HDAC4: variants seen among roughly 807,000 people sequenced by gnomAD.
The protein encoded by HDAC4 is histone deacetylase 4.
Under a neutral mutation model 135.1 loss-of-function variants are expected in HDAC4, and 16 were observed. The ratio of observed to expected loss-of-function variants is 0.12; its 90% CI spans 0.08 to 0.18. HDAC4 has a LOEUF of 0.18. Ranked by LOEUF, HDAC4 falls within the 10% of genes least tolerant of loss-of-function variation. The probability of loss-of-function intolerance (pLI) is 1.00; values close to 1 mark genes in which losing one functional copy is unlikely to be tolerated. For missense variants in HDAC4, 1,143 were observed against 1,511.8 expected, an observed-to-expected ratio of 0.76 and a Z score of 4.05; for synonymous variants, 685 against 653.4, an observed-to-expected ratio of 1.05 and a Z score of -0.74.
chr2:239,110,005 G>A (rs1292176636), intron 14 of HDAC4, among the ~76,000 whole-genome samples: 3 of 152,218 alleles, frequency 2.0e-5, no homozygotes, highest in South Asian at 2.1e-4. Context: ...AGGAGACCAC[G>A]TGGCTAAAGG....
intron 1 of HDAC4, among the ~76,000 whole-genome samples, chr2:239,388,527 G>C (rs80138554): frequency 1.0e-3 from 153 of 152,342 alleles, no homozygotes; most frequent in Non-Finnish European, 1.3e-3. Flanking sequence ...GACCAGCAGA[G>C]CCTTGGTCCT....
At chr2:239,188,865 T>G (rs903738869) in intron 4 of HDAC4, among the ~76,000 whole-genome samples, 1 of 152,256 alleles carries the variant, frequency 6.6e-6, no homozygotes, top group Non-Finnish European at 1.5e-5. Flanking sequence ...CCTGCGGCCA[T>G]GTGAGTGAGC....
intron 2 of HDAC4, among the ~76,000 whole-genome samples, chr2:239,350,443 T>C (rs141672397): frequency 9.1e-4 from 138 of 152,128 alleles, no homozygotes; most frequent in African/African-American, 3.3e-3. Context: ...TAATATATAA[T>C]TAAAACAACA....
intron 1 of HDAC4, among the ~76,000 whole-genome samples, chr2:239,378,635 C>T (rs1341107291): frequency 6.6e-6 from 1 of 152,124 alleles, no homozygotes; most frequent in African/African-American, 2.4e-5. Context: ...ACCCCGGGAA[C>T]CAAGAACCCC....
At chr2:239,264,470 G>A (rs760351171) in intron 2 of HDAC4, among the ~76,000 whole-genome samples, 21 of 152,210 alleles carry the variant, frequency 1.4e-4, no homozygotes, top group African/African-American at 2.2e-4. Context: ...CAGATGCAGC[G>A]GTTTATCTTG....
At chr2:239,066,320 G>C (rs984345460) in intron 24 of HDAC4, among the ~76,000 whole-genome samples, 1 of 152,178 alleles carries the variant, frequency 6.6e-6, no homozygotes, top group African/African-American at 2.4e-5. Context: ...TGGGGCCACT[G>C]ACCGAAACCC....
intron 3 of HDAC4, among the ~76,000 whole-genome samples, chr2:239,212,174 G>C (rs2046382301): frequency 6.6e-6 from 1 of 152,172 alleles, no homozygotes; most frequent in South Asian, 2.1e-4. Context: ...TGTGAACTGG[G>C]ATGCTTTAGA....
chr2:239,077,066 C>T (rs1172420991), intron 22 of HDAC4, among the ~76,000 whole-genome samples: 1 of 152,174 alleles, frequency 6.6e-6, no homozygotes, highest in Non-Finnish European at 1.5e-5. Flanking sequence ...TGTCCACTGG[C>T]CCCCAGATCC....
chr2:239,206,850 A>G (rs931022280), intron 3 of HDAC4, among the ~76,000 whole-genome samples: 2 of 152,228 alleles, frequency 1.3e-5, no homozygotes, highest in African/African-American at 4.8e-5. Flanking sequence ...AAATCTGCTA[A>G]TAATAAAGAA....
chr2:239,149,189 G>T (rs2041951227), intron 7 of HDAC4, among the ~76,000 whole-genome samples: 1 of 152,058 alleles, frequency 6.6e-6, no homozygotes, highest in South Asian at 2.1e-4. Flanking sequence ...ATCACCTGAA[G>T]TCAGGAGTTT....
intron 2 of HDAC4, among the ~76,000 whole-genome samples, chr2:239,297,674 A>G (rs1312475329): frequency 6.6e-6 from 1 of 152,174 alleles, no homozygotes; most frequent in Non-Finnish European, 1.5e-5. Flanking sequence ...AGTGCCAAGG[A>G]CTTGCCTCGG....
intron 5 of HDAC4, among the ~76,000 whole-genome samples, chr2:239,174,296 T>A (rs530932691): frequency 1.1e-4 from 16 of 152,210 alleles, no homozygotes; most frequent in African/African-American, 3.6e-4. Context: ...GTTGATTCCA[T>A]AATATATAAA....
intron 2 of HDAC4, among the ~76,000 whole-genome samples, chr2:239,346,080 C>A (rs1575726309): frequency 1.5e-5 from 2 of 131,362 alleles, no homozygotes; most frequent in Admixed American, 1.5e-4. Flanking sequence ...CATGCACTCA[C>A]CCAACACACA....
At chr2:239,075,994 T>C (rs1325067248) in intron 22 of HDAC4, among the ~76,000 whole-genome samples, 1 of 145,216 alleles carries the variant, frequency 6.9e-6, no homozygotes, top group African/African-American at 2.6e-5. Context: ...AGAGCTGGGC[T>C]GGGATAGCAG....
At position 239,102,890 on chromosome 2, in the gene HDAC4, G is replaced by A. The variant is rs142554712; in HGVS notation, c.2119C>T (p.Arg707Cys). 1.2e-6 allele frequency: 2 copies of A among 1,613,738 alleles called. No homozygotes were observed. The highest frequency in any genetic ancestry group is 1.1e-5 in the South Asian group (1 of 91,084). The part of the protein sequence containing the change: ...TGLRGKCECI[R>C]GRKATLEELQ... ...TCCTCCAGGGTGGCCTTGCGTCCGC[G>A]GATGCACTGTGGGGACAGGCGAGAG... is the stretch of plus-strand genomic sequence containing the variant. Residue 707 changes from arginine to cysteine, a missense_variant, in exon 16 of 27, where the codon CGC becomes TGC. Arg to Cys is a radical substitution (Grantham distance 180, BLOSUM62 -3). This residue lies in a region of HDAC4 where 47 missense variants were observed against 117.2 expected (regional missense o/e 0.40). Coordinates refer to ENST00000543185, the MANE Select transcript of HDAC4 (RefSeq NM_001378414.1).
At chr2:239,112,912 A>G (rs1271864701) in intron 13 of HDAC4, among the ~76,000 whole-genome samples, 1 of 152,190 alleles carries the variant, frequency 6.6e-6, no homozygotes, top group Non-Finnish European at 1.5e-5. Context: ...CTACCCGGCC[A>G]GGCTCCGATC....
At chr2:239,361,442 G>C (rs760549369) in intron 1 of HDAC4, among the ~76,000 whole-genome samples, 3 of 152,214 alleles carry the variant, frequency 2.0e-5, no homozygotes, top group African/African-American at 4.8e-5. Flanking sequence ...CCTGCAGAGG[G>C]CTGCCATGAG....
In HDAC4 at chr2:239,301,469, TTC is replaced by T. The variant is rs1491221598; in HGVS notation, c.22+51207_22+51208del. Among the ~76,000 whole-genome samples the T allele has an allele frequency of 1.3e-3, 146 of 112,092 alleles. 2 individuals are homozygous for T. Among genetic ancestry groups the T allele is most frequent in the Admixed American group, 4.9e-3 (56 of 11,376 alleles). The allele number at this position is 112,092 out of a possible 152,430, so 73.5% of individuals were successfully genotyped here. On this transcript the variant is annotated intron_variant, in intron 2 of 26. Coordinates refer to ENST00000543185, the MANE Select transcript of HDAC4 (RefSeq NM_001378414.1). ...TTTCTAAATTCTGCTGGTGCTTTCT[TTC>T]TTTTTTTTTTTTTTTATTTTTCTCT...
chr2:239,170,778 A>G (rs977763364), intron 5 of HDAC4, among the ~76,000 whole-genome samples: 1 of 152,216 alleles, frequency 6.6e-6, no homozygotes, highest in African/African-American at 2.4e-5. Flanking sequence ...CGCGGGGAGC[A>G]GGACCCCACC....
Sources: gnomAD v4.1 joint callset for allele counts (sites outside exome capture counted in the v4.1 genomes callset) on GRCh38, gnomAD v4.1.1 for gene constraint, gnomAD v4.1.1 regional missense constraint, MANE v1.5 for transcripts, NCBI Gene and HGNC (gene_info 2026-07-23, HGNC 2026-07-21) for gene names.